The following PPM1B variants were observed in gnomAD, a reference collection of about 807,000 sequenced individuals.
PPM1B encodes protein phosphatase, Mg2+/Mn2+ dependent 1B.
PPM1B carries 22 observed loss-of-function variants against 43.0 expected under a neutral mutation model. The observed-to-expected ratio is 0.51, with a 90% CI of 0.37 to 0.73. The LOEUF is 0.73. Ranked by LOEUF, PPM1B falls within the 30% of genes least tolerant of loss-of-function variation. The pLI is 0.00. For synonymous variants in PPM1B, 217 were observed against 197.9 expected (o/e 1.10, Z -0.81); for missense variants, 632 against 584.2 (o/e 1.08, Z -0.84).
intron 1 of PPM1B, among the ~76,000 whole-genome samples, chr2:44,172,709 A>G (rs989428092): frequency 6.6e-6 from 1 of 152,130 alleles, no homozygotes; most frequent in African/African-American, 2.4e-5. Flanking sequence ...GGATTGTTTG[A>G]GACCAGCCTG....
At chr2:44,184,956 C>G (rs956692411) in intron 1 of PPM1B, among the ~76,000 whole-genome samples, 1 of 148,640 alleles carries the variant, frequency 6.7e-6, no homozygotes, top group South Asian at 2.2e-4. Context: ...AATTATGACA[C>G]TTATTAGACC....
At chr2:44,242,101 A>G (rs1447998431) in intron 5 of PPM1B, among the ~76,000 whole-genome samples, 1 of 151,618 alleles carries the variant, frequency 6.6e-6, no homozygotes, top group Non-Finnish European at 1.5e-5. Context: ...CTTGTGATCC[A>G]CCCACCTCGG....
At chr2:44,210,078 G>A (rs6730278) in intron 3 of PPM1B, among the ~76,000 whole-genome samples, 37,338 of 151,906 alleles carry the variant, frequency 0.25, 5,649 homozygotes, top group African/African-American at 0.43. Context: ...TCTTAATTCC[G>A]CTAATACTAA....
chr2:44,215,505 A>G (rs1214118779), intron 3 of PPM1B, among the ~76,000 whole-genome samples: 1 of 152,114 alleles, frequency 6.6e-6, no homozygotes, highest in African/African-American at 2.4e-5. Context: ...AGTGTTCTTC[A>G]GGAGCATTAT....
intron 1 of PPM1B, among the ~76,000 whole-genome samples, chr2:44,175,224 A>C (rs1293817100): frequency 6.6e-6 from 1 of 152,162 alleles, no homozygotes; most frequent in Non-Finnish European, 1.5e-5. Flanking sequence ...ACTGCATTCC[A>C]GCCTGGGCAA....
intron 1 of PPM1B, among the ~76,000 whole-genome samples, chr2:44,186,678 T>G (rs1282365438): frequency 2.6e-5 from 4 of 152,252 alleles, no homozygotes; most frequent in Non-Finnish European, 4.4e-5. Flanking sequence ...CCTGGCCTGA[T>G]TTTTAACTAA....
At chr2:44,232,452 G>A (rs562479317), downstream of PPM1B, 495 of 1,562,764 alleles carry the variant, frequency 3.2e-4, 1 homozygote, top group Non-Finnish European at 4.0e-4. Flanking sequence ...GATTCCCAAC[G>A]TTTTGTGATA....
chr2:44,194,722 C>CA (rs532552462), intron 1 of PPM1B, among the ~76,000 whole-genome samples: 311 of 149,686 alleles, frequency 2.1e-3, no homozygotes, highest in African/African-American at 7.3e-3. Context: ...GACTCCATCT[C>CA]AAAAAAAAGA....
intron 1 of PPM1B, among the ~76,000 whole-genome samples, chr2:44,199,656 C>T (rs1038980989): frequency 6.6e-6 from 1 of 152,000 alleles, no homozygotes; most frequent in Non-Finnish European, 1.5e-5. Flanking sequence ...CCAGCATGTT[C>T]AAAAGTAATC....
Position 44,230,667 on chromosome 2 carries a change from A to G in PPM1B, c.1389A>G (p.Leu463=). The G allele has an allele frequency of 6.2e-7, 1 of 1,614,096 alleles. No homozygotes were observed. The change falls in exon 6 of 6, where the codon TTA becomes TTG. Residue 463 remains leucine, a synonymous_variant. Transcript: ENST00000282412. ...HTESESGLAE[L]DSSNEDAGTK... is the part of the protein sequence containing the mutation. ...AATCAGAAAGTGGTCTTGCTGAATTAGACAGCTCTAATGAAGATGCAGGGA... is the reference window on the plus strand; with the variant it reads ...AATCAGAAAGTGGTCTTGCTGAATTGGACAGCTCTAATGAAGATGCAGGGA...
chr2:44,199,739 A>G (rs561609294), intron 1 of PPM1B, among the ~76,000 whole-genome samples: 21 of 152,216 alleles, frequency 1.4e-4, no homozygotes, highest in Non-Finnish European at 2.9e-4. Flanking sequence ...TAATTTTTAC[A>G]TGATTTTAAT....
chr2:44,214,365 G>A (rs1669622934), intron 3 of PPM1B, among the ~76,000 whole-genome samples: 1 of 151,394 alleles, frequency 6.6e-6, no homozygotes, highest in African/African-American at 2.4e-5. Context: ...CACTGCGCCC[G>A]ACCCCATAGA....
chr2:44,232,883 C>T (rs1572763064), downstream of PPM1B: 1 of 972,238 alleles, frequency 1.0e-6, no homozygotes, highest in East Asian at 1.1e-4. Flanking sequence ...CCAATTTTAC[C>T]TGTATTACCA....
chr2:44,221,243 A>G (rs1669965473), intron 5 of PPM1B, among the ~76,000 whole-genome samples: 1 of 152,208 alleles, frequency 6.6e-6, no homozygotes, highest in African/African-American at 2.4e-5. Context: ...TTACTGTGAA[A>G]ACTGACTTTA....
chr2:44,218,654 C>G (rs541099534), intron 5 of PPM1B, 117 bp downstream of exon 5: 9 of 683,720 alleles, frequency 1.3e-5, no homozygotes, highest in Middle Eastern at 3.6e-4. Context: ...TAAATTACTA[C>G]TGCTTTTCAT....
chr2:44,235,908 A>G (rs1439967520), downstream of PPM1B, among the ~76,000 whole-genome samples: 1 of 151,998 alleles, frequency 6.6e-6, no homozygotes, highest in African/African-American at 2.4e-5. Flanking sequence ...AATTTTAAAT[A>G]TATGTCTCTT....
Position 44,230,952 on chromosome 2 carries a change from C to T in PPM1B, c.*234C>T. 1.8e-6 allele frequency: 2 copies of T among 1,109,872 alleles called. No homozygotes were observed. The highest frequency in any genetic ancestry group is 2.2e-6 in the Non-Finnish European group (2 of 895,480). 68.8% of individuals were successfully genotyped at this position (1,109,872 alleles called of 1,614,324 possible). A position where few individuals can be genotyped will look rare whatever the true frequency, so the allele number is the denominator to read the frequency against. On this transcript the variant is annotated 3_prime_UTR_variant, in exon 6 of 6. Coordinates refer to ENST00000282412, the MANE Select transcript of PPM1B (RefSeq NM_002706.6). ...ATTATATGTCATTTCACATTGTATG[C>T]CAGAAATTAGGCTACCAATTATGAA...
chr2:44,202,729 G>A (rs1197569081), intron 2 of PPM1B, among the ~76,000 whole-genome samples: 2 of 152,106 alleles, frequency 1.3e-5, no homozygotes, highest in Non-Finnish European at 2.9e-5. Context: ...AAAAATTCCT[G>A]TGGAACACTA....
At chr2:44,241,855 A>ATTTT (rs1308907282) in intron 5 of PPM1B, among the ~76,000 whole-genome samples, 1 of 32,848 alleles carries the variant, frequency 3.0e-5, no homozygotes. Flanking sequence ...TTAGAAAATA[A>ATTTT]TCTTTTTTTT....
Sources: allele counts gnomAD v4.1 joint callset (sites outside exome capture counted in the v4.1 genomes callset), GRCh38; gene constraint gnomAD v4.1.1; transcripts MANE v1.5; gene names NCBI Gene and HGNC (gene_info 2026-07-23, HGNC 2026-07-21).